ALDH3A2: variants seen among roughly 807,000 people sequenced by gnomAD.
The protein encoded by ALDH3A2 is aldehyde dehydrogenase family 3 member A2.
In ALDH3A2, 36 loss-of-function variants were observed where a neutral mutation model predicts 51.3. The observed-to-expected ratio is 0.70, with a 90% CI of 0.54 to 0.93. The LOEUF (loss-of-function observed/expected upper bound fraction) is 0.93, where lower values mean the gene tolerates loss of function less well. Ranked by LOEUF, ALDH3A2 falls within the 40% of genes least tolerant of loss-of-function variation. The pLI is 0.00. For synonymous variants in ALDH3A2, 199 were observed against 219.8 expected (o/e 0.91, Z 0.84); for missense variants, 552 against 603.1 (o/e 0.92, Z 0.89).
At chr17:19,657,332 T>G (rs563315212) in intron 4 of ALDH3A2, among the ~76,000 whole-genome samples, 11 of 152,370 alleles carry the variant, frequency 7.2e-5, no homozygotes, top group African/African-American at 2.6e-4. Context: ...CATCCTGCTT[T>G]ATACCTGAAC....
At chr17:19,651,849 G>A (rs2084820743) in intron 2 of ALDH3A2, 71 bp downstream of exon 2, 1 of 1,362,588 alleles carries the variant, frequency 7.3e-7, no homozygotes, top group African/African-American at 1.4e-5. Context: ...GGAAATTAAG[G>A]ATAGTGGCTA....
rs772597366 is a variant in ALDH3A2, at chr17:19,671,948, C to CT, written c.1437dup (p.Val480CysfsTer25). ...TTTCCTGGGTATTGTAGCCGCTGTGCTTGTCAAGGTGAGTCCCTATAACCC... is the reference window on the plus strand; with the variant it reads ...TTTCCTGGGTATTGTAGCCGCTGTGCTTTGTCAAGGTGAGTCCCTATAACCC... On this transcript the variant is annotated frameshift_variant, in exon 9 of 10. Transcript: ENST00000176643. LOFTEE classifies it high-confidence loss of function. 1 of 1,614,002 alleles carries CT rather than the reference C, an allele frequency of 6.2e-7. No homozygotes were observed. The highest frequency in any genetic ancestry group is 2.2e-5 in the East Asian group (1 of 44,876).
chr17:19,662,290 C>T (rs1555534276), intron 6 of ALDH3A2, among the ~76,000 whole-genome samples: 16 of 152,176 alleles, frequency 1.1e-4, no homozygotes, highest in Non-Finnish European at 2.9e-5. Context: ...AGGAAGTAGA[C>T]ACTCAGCCCA....
intron 8 of ALDH3A2, among the ~76,000 whole-genome samples, chr17:19,667,817 C>T (rs2085059650): frequency 6.6e-6 from 1 of 152,172 alleles, no homozygotes; most frequent in Non-Finnish European, 1.5e-5. Flanking sequence ...CCTTGGCCTC[C>T]CAAAGTGCTG....
Position 19,671,847 on chromosome 17 carries a change from A to G in ALDH3A2, c.1334A>G (p.Gln445Arg). ...ANKLRYPPNS[Q>R]SKVDWGKFFL... ...AAACTCAGATATCCTCCCAACAGCC[A>G]GTCAAAGGTGGATTGGGGAAAATTT... is the stretch of plus-strand genomic sequence containing the variant. The change falls in exon 9 of 10, where the codon CAG (glutamine) becomes CGG (arginine). Residue 445 changes from glutamine to arginine, a missense_variant. Transcript: ENST00000176643. 1 of 1,614,206 alleles carries G rather than the reference A, an allele frequency of 6.2e-7. No homozygotes were observed. Among genetic ancestry groups the G allele is most frequent in the African/African-American group, 1.3e-5 (1 of 75,058 alleles).
At chr17:19,669,326 A>C (rs1323915393) in intron 8 of ALDH3A2, among the ~76,000 whole-genome samples, 1 of 152,064 alleles carries the variant, frequency 6.6e-6, no homozygotes, top group African/African-American at 2.4e-5. Flanking sequence ...AACAAAAAAA[A>C]CACCCTGGAG....
intron 3 of ALDH3A2, 164 bp from the exon 4 acceptor site, chr17:19,656,202 C>T: frequency 2.8e-6 from 2 of 713,926 alleles, no homozygotes; most frequent in Non-Finnish European, 5.0e-6. Context: ...ACTGTGTGTT[C>T]TCCTCTTGTC....
chr17:19,667,697 T>C (rs1167990060), intron 8 of ALDH3A2, among the ~76,000 whole-genome samples: 1 of 152,142 alleles, frequency 6.6e-6, no homozygotes, highest in Non-Finnish European at 1.5e-5. Context: ...TAGCTGGAAC[T>C]ACAGGTGTGT....
chr17:19,652,454 G>A, intron 2 of ALDH3A2, 93 bp from the exon 3 acceptor site: 1 of 896,488 alleles, frequency 1.1e-6, no homozygotes, highest in South Asian at 1.4e-5. Context: ...AAATAATTGG[G>A]AGTACCTAGC....
intron 5 of ALDH3A2, among the ~76,000 whole-genome samples, chr17:19,660,430 G>T (rs1440866816): frequency 6.6e-6 from 1 of 152,034 alleles, no homozygotes; most frequent in African/African-American, 2.4e-5. Context: ...TGTTCATTTT[G>T]ATTTGGGATG....
At chr17:19,671,412 TG>T (rs2085110992) in intron 8 of ALDH3A2, among the ~76,000 whole-genome samples, 1 of 152,192 alleles carries the variant, frequency 6.6e-6, no homozygotes, top group Non-Finnish European at 1.5e-5. Context: ...CAAGTGGGAT[TG>T]TGGTGAGAAT....
In ALDH3A2 at chr17:19,648,803, C is replaced by T. The variant is rs1414038965; in HGVS notation, c.-169C>T. On this transcript the variant is annotated 5_prime_UTR_variant, in exon 1 of 10. Coordinates refer to ENST00000176643, the MANE Select transcript of ALDH3A2 (RefSeq NM_000382.3). Reference sequence around the variant, plus strand: ...AGTGGGACTCAGCGGGCGTGGAGGTCGCGGCTGAGCGAGCGAGCCCTGGGC... The same window carrying T: ...AGTGGGACTCAGCGGGCGTGGAGGTTGCGGCTGAGCGAGCGAGCCCTGGGC... The T allele has an allele frequency of 5.4e-6, 5 of 919,118 alleles. No individual in the cohort carries two copies. In the East Asian group the frequency reaches 8.0e-5, roughly 15 times the overall value. 56.9% of individuals were successfully genotyped at this position (919,118 alleles called of 1,614,324 possible).
intron 9 of ALDH3A2, chr17:19,673,266 T>TA: frequency 6.2e-7 from 1 of 1,614,106 alleles, no homozygotes; most frequent in Non-Finnish European, 8.5e-7. Context: ...CCCTGTCTGT[T>TA]AAGAGTGAGG....
Position 19,656,504 on chromosome 17 carries a change from G to C in ALDH3A2, c.610G>C (p.Val204Leu), listed in dbSNP as rs1303572251. Residue 204 changes from valine (V) to leucine (L), a missense_variant, in exon 4 of 10, where the codon GTG becomes CTG. By Grantham distance (32) the Val-to-Leu change is conservative. Transcript: ENST00000176643. ...MEAAAKHLTP[V>L]TLELGGKSPC... ...AGCTGCTGCCAAGCATCTGACCCCT[G>C]TGACTCTTGAACTGGGAGGGAAAAG... The C allele has an allele frequency of 6.2e-7, 1 of 1,614,066 alleles. No individual in the cohort carries two copies. Among genetic ancestry groups the C allele is most frequent in the African/African-American group, 1.3e-5 (1 of 74,922 alleles).
At chr17:19,674,005 C>T (rs1351503484) in intron 9 of ALDH3A2, 1 of 152,230 alleles carries the variant, frequency 6.6e-6, no homozygotes, top group African/African-American at 2.4e-5. Flanking sequence ...GACTTGTCAC[C>T]ATCTAGGCAC....
In ALDH3A2 at chr17:19,671,844, G is replaced by A. The variant is rs1284262321; in HGVS notation, c.1331G>A (p.Ser444Asn). Residue 444 changes from serine to asparagine, a missense_variant, in exon 9 of 10, where the codon AGC becomes AAC. Ser to Asn is a conservative substitution (Grantham distance 46). Transcript: ENST00000176643. Reference protein sequence around the residue: ...GANKLRYPPNSQSKVDWGKFF... With the variant: ...GANKLRYPPNNQSKVDWGKFF... ...AACAAACTCAGATATCCTCCCAACA[G>A]CCAGTCAAAGGTGGATTGGGGAAAA... The A allele has an allele frequency of 3.1e-6, 5 of 1,614,052 alleles. No homozygotes were observed. The African/African-American group carries it at 6.7e-5, about 22-fold the overall frequency.
At chr17:19,669,520 C>T (rs1293254552) in intron 8 of ALDH3A2, among the ~76,000 whole-genome samples, 1 of 152,048 alleles carries the variant, frequency 6.6e-6, no homozygotes, top group East Asian at 1.9e-4. Context: ...TTTGTTTTTT[C>T]CGTGGGCCAG....
chr17:19,671,649 C>T (rs576070203), intron 8 of ALDH3A2, 72 bp from the exon 9 acceptor site: 9 of 1,346,088 alleles, frequency 6.7e-6, no homozygotes, highest in South Asian at 3.5e-5. Flanking sequence ...TGAGCTTTCC[C>T]GGTCGTTGTT....
At position 19,656,498 on chromosome 17, in the gene ALDH3A2, AC is replaced by A; in HGVS notation, c.608del (p.Pro203LeufsTer2). On this transcript the variant is annotated frameshift_variant, in exon 4 of 10. Coordinates refer to ENST00000176643, the MANE Select transcript of ALDH3A2 (RefSeq NM_000382.3). LOFTEE classifies it high-confidence loss of function. ...CATGGAAGCTGCTGCCAAGCATCTG[AC>A]CCCTGTGACTCTTGAACTGGGAGGG... ...IVMEAAAKHL[T>X]PVTLELGGKS... 6.2e-7 allele frequency: 1 copy of A among 1,614,100 alleles called. No individual in the cohort carries two copies. Among genetic ancestry groups the A allele is most frequent in the Non-Finnish European group, 8.5e-7 (1 of 1,180,018 alleles).
Sources: allele counts gnomAD v4.1 joint callset (sites outside exome capture counted in the v4.1 genomes callset), GRCh38; gene constraint gnomAD v4.1.1; transcripts MANE v1.5; gene names NCBI Gene and HGNC (gene_info 2026-07-23, HGNC 2026-07-21).